Variants in RALY observed in about 807,000 individuals in gnomAD.
RALY encodes the protein RALY heterogeneous nuclear ribonucleoprotein.
Under a neutral mutation model 30.7 loss-of-function variants are expected in RALY, and 15 were observed. The observed-to-expected ratio is 0.49, with a 90% confidence interval of 0.33 to 0.75. The LOEUF (loss-of-function observed/expected upper bound fraction) is 0.75, where lower values mean the gene tolerates loss of function less well. Among genes scored for constraint, RALY ranks in the 30% least tolerant of loss-of-function variants. RALY has a pLI of 0.02. For synonymous variants in RALY, 177 were observed against 170.8 expected (o/e 1.04, Z -0.28); for missense variants, 339 against 414.3 (o/e 0.82, Z 1.58).
rs760933278 is a variant in RALY, at chr20:34,077,038, G to T, written c.669G>T (p.Lys223Asn). ...CCCCTTCCCCTCAAGATGGCAAGAAGAAGGGTGATGGAGGTGGCGCCGGCG... is the reference window on the plus strand; with the variant it reads ...CCCCTTCCCCTCAAGATGGCAAGAATAAGGGTGATGGAGGTGGCGCCGGCG... ...AEQKANPDGK[K>N]KGDGGGAGGG... The change falls in exon 8 of 10, where the codon AAG (lysine) becomes AAT (asparagine). Residue 223 changes from lysine (K) to asparagine (N), a missense_variant. Physicochemically the swap from Lys to Asn is moderately conservative, Grantham distance 94 (BLOSUM62 0). Around this residue, in one of 2 missense-constraint regions of RALY, gnomAD observed 268 missense variants for 280.6 expected, o/e 0.95. Coordinates refer to ENST00000246194, the MANE Select transcript of RALY (RefSeq NM_016732.3). 6.2e-7 allele frequency: 1 copy of T among 1,605,008 alleles called. No individual in the cohort carries two copies. The highest frequency in any genetic ancestry group is 1.1e-5 in the South Asian group (1 of 90,294).
intron 1 of RALY, among the ~76,000 whole-genome samples, chr20:34,010,828 A>C (rs1233387062): frequency 6.6e-6 from 1 of 152,158 alleles, no homozygotes; most frequent in Non-Finnish European, 1.5e-5. Flanking sequence ...AACTTGCCTA[A>C]GGGATTGCTG....
chr20:34,007,701 TC>T (rs2031221271), intron 1 of RALY, among the ~76,000 whole-genome samples: 2 of 150,602 alleles, frequency 1.3e-5, no homozygotes, highest in Non-Finnish European at 2.9e-5. Context: ...GCGCCTATAA[TC>T]TCAGCTACTT....
chr20:34,073,508 T>C, intron 3 of RALY, 55 bp from the exon 4 acceptor site: 1 of 1,475,340 alleles, frequency 6.8e-7, no homozygotes, highest in South Asian at 1.1e-5. Flanking sequence ...GAGGTTGATG[T>C]GTGTGGGCAC....
intron 1 of RALY, among the ~76,000 whole-genome samples, chr20:34,003,119 CAG>C (rs909915183): frequency 6.6e-6 from 1 of 152,168 alleles, no homozygotes; most frequent in African/African-American, 2.4e-5. Flanking sequence ...TCCTACCCTT[CAG>C]AGAGAAATAT....
At chr20:34,034,891 G>C (rs1308068110) in intron 2 of RALY, among the ~76,000 whole-genome samples, 2 of 152,092 alleles carry the variant, frequency 1.3e-5, no homozygotes, top group African/African-American at 4.8e-5. Flanking sequence ...GGTGGCTCAC[G>C]CCTGTAATCC....
chr20:34,070,520 T>C (rs1360299626), intron 2 of RALY, among the ~76,000 whole-genome samples: 1 of 152,204 alleles, frequency 6.6e-6, no homozygotes, highest in Non-Finnish European at 1.5e-5. Context: ...CGAGTTAGTA[T>C]TAATATGGGT....
chr20:34,050,520 A>C (rs796138438), intron 2 of RALY, among the ~76,000 whole-genome samples: 11 of 152,350 alleles, frequency 7.2e-5, no homozygotes, highest in African/African-American at 2.4e-4. Context: ...AATGTGGGTT[A>C]TGAGGATGTG....
intron 2 of RALY, among the ~76,000 whole-genome samples, chr20:34,057,059 G>A (rs568387920): frequency 2.6e-5 from 4 of 152,258 alleles, no homozygotes; most frequent in South Asian, 2.1e-4. Flanking sequence ...GGAAAACCAC[G>A]AGCTTTTAAA....
intron 1 of RALY, among the ~76,000 whole-genome samples, chr20:34,020,051 ACT>A (rs1428855605): frequency 1.3e-5 from 2 of 152,004 alleles, no homozygotes; most frequent in Admixed American, 6.6e-5. Context: ...ACAGAGCAAG[ACT>A]CTGTCTCAAA....
intron 2 of RALY, among the ~76,000 whole-genome samples, chr20:34,043,749 A>G (rs2032781753): frequency 6.6e-6 from 1 of 152,178 alleles, no homozygotes; most frequent in Non-Finnish European, 1.5e-5. Flanking sequence ...GGCCATGTTA[A>G]GATTTAATTT....
chr20:34,076,989 T>C, intron 7 of RALY, 39 bp from the exon 8 acceptor site: 1 of 1,610,090 alleles, frequency 6.2e-7, no homozygotes, highest in Non-Finnish European at 8.5e-7. Context: ...TACCCCAGGC[T>C]GAGTTTTATT....
At chr20:34,033,021 A>T (rs1394700582) in intron 2 of RALY, 1 of 152,278 alleles carries the variant, frequency 6.6e-6, no homozygotes, top group African/African-American at 2.4e-5. Flanking sequence ...CCAGGCTAAA[A>T]GTGACCACAA....
chr20:34,007,185 C>CT (rs1568650920), intron 1 of RALY, among the ~76,000 whole-genome samples: 1 of 152,172 alleles, frequency 6.6e-6, no homozygotes, highest in Non-Finnish European at 1.5e-5. Context: ...GTCTGCAAAG[C>CT]TTTTGTTCCT....
At chr20:34,038,546 C>A (rs1454396917) in intron 2 of RALY, among the ~76,000 whole-genome samples, 1 of 152,188 alleles carries the variant, frequency 6.6e-6, no homozygotes, top group African/African-American at 2.4e-5. Flanking sequence ...TCCATCCTTC[C>A]CCTCATTGCC....
At chr20:34,072,995 T>C (rs994239301) in intron 3 of RALY, among the ~76,000 whole-genome samples, 5 of 152,158 alleles carry the variant, frequency 3.3e-5, no homozygotes, top group Admixed American at 6.5e-5. Flanking sequence ...TCAGCAGATA[T>C]ACATATATTC....
chr20:34,009,166 G>A (rs1221252543), intron 1 of RALY, among the ~76,000 whole-genome samples: 1 of 151,862 alleles, frequency 6.6e-6, no homozygotes, highest in African/African-American at 2.4e-5. Context: ...AAGAGTGGGG[G>A]TAGGCCTGTC....
chr20:34,055,698 G>A (rs2123192579), intron 2 of RALY, among the ~76,000 whole-genome samples: 1 of 152,234 alleles, frequency 6.6e-6, no homozygotes, highest in East Asian at 1.9e-4. Context: ...ACTGCCCAAC[G>A]GCTCATACCA....
chr20:34,052,821 T>G (rs1267598682), intron 2 of RALY, among the ~76,000 whole-genome samples: 1 of 152,156 alleles, frequency 6.6e-6, no homozygotes, highest in East Asian at 1.9e-4. Context: ...AACTAAGCTC[T>G]GACACCAGTA....
chr20:34,042,142 A>G (rs1252103383), intron 2 of RALY, among the ~76,000 whole-genome samples: 1 of 152,100 alleles, frequency 6.6e-6, no homozygotes, highest in Non-Finnish European at 1.5e-5. Context: ...AAACAAAAAC[A>G]ACCAAACAGA....
Sources: gnomAD v4.1 joint callset for allele counts (sites outside exome capture counted in the v4.1 genomes callset) on GRCh38, gnomAD v4.1.1 for gene constraint, gnomAD v4.1.1 regional missense constraint, MANE v1.5 for transcripts, NCBI Gene and HGNC (gene_info 2026-07-23, HGNC 2026-07-21) for gene names.